Variants in PIEZO2 observed in about 807,000 individuals in gnomAD.
PIEZO2 encodes the protein piezo type mechanosensitive ion channel component 2.
PIEZO2 carries 172 observed loss-of-function variants against 337.3 expected under a neutral mutation model. The ratio of observed to expected loss-of-function variants is 0.51; its 90% confidence interval spans 0.45 to 0.58. The LOEUF (loss-of-function observed/expected upper bound fraction) is 0.58. Ranked by LOEUF, PIEZO2 falls within the 20% of genes least tolerant of loss-of-function variation. The probability of loss-of-function intolerance (pLI) is 0.00; values close to 1 mark genes in which losing one functional copy is unlikely to be tolerated. For missense variants in PIEZO2, 3,028 were observed against 3,391.3 expected, an observed-to-expected ratio of 0.89 and a Z score of 2.66; for synonymous variants, 1,251 against 1,228.5, an observed-to-expected ratio of 1.02 and a Z score of -0.38.
intron 3 of PIEZO2, among the ~76,000 whole-genome samples, chr18:10,921,462 C>G (rs1280703325): frequency 6.6e-6 from 1 of 152,148 alleles, no homozygotes; most frequent in Non-Finnish European, 1.5e-5. Context: ...ATTTCATGGA[C>G]ACTTATCACT....
chr18:11,141,496 C>T (rs527768043), intron 1 of PIEZO2, among the ~76,000 whole-genome samples: 5 of 152,224 alleles, frequency 3.3e-5, no homozygotes, highest in East Asian at 1.9e-4. Context: ...TGCTGCGGGG[C>T]GCACAGAATG....
At position 11,001,905 on chromosome 18, in the gene PIEZO2, AGAAG is replaced by A. The variant is rs56275136; in HGVS notation, c.161-22249_161-22246del. On this transcript the variant is annotated intron_variant, in intron 2 of 55. Transcript: ENST00000674853. The surrounding 1 kb of genome is among the most constrained non-coding windows in gnomAD (Gnocchi z 5.3). ...AAAAGGAGAAAAAGGGAAGGAAGGAAGAAGGAAGGAAGGAAGGAAGGAAGGAAGG... is the reference window on the plus strand; with the variant it reads ...AAAAGGAGAAAAAGGGAAGGAAGGAAGAAGGAAGGAAGGAAGGAAGGAAGG... 0.032 allele frequency among the ~76,000 whole-genome samples: 4,488 copies of A among 139,276 alleles called. 93 individuals are homozygous for A. Among genetic ancestry groups the A allele is most frequent in the African/African-American group, 0.037 (1,339 of 35,984 alleles). The allele number at this position is 139,276 out of a possible 152,430, so 91.4% of individuals were successfully genotyped here.
chr18:10,764,710 G>A (rs1040024493), intron 21 of PIEZO2, among the ~76,000 whole-genome samples: 9 of 152,174 alleles, frequency 5.9e-5, no homozygotes, highest in African/African-American at 2.2e-4. Context: ...ACTGTCCAAT[G>A]CAAGGAAGCT....
At chr18:10,898,211 T>C (rs1007054518) in intron 4 of PIEZO2, among the ~76,000 whole-genome samples, 2 of 152,144 alleles carry the variant, frequency 1.3e-5, no homozygotes, top group African/African-American at 4.8e-5. Context: ...ATATTGTATA[T>C]GAGATCGAGA....
rs540250733 is a variant in PIEZO2 at position 10,903,585 on chromosome 18, G to A, written c.329+7601C>T. 6.6e-5 allele frequency among the ~76,000 whole-genome samples: 10 copies of A among 152,074 alleles called. No homozygotes were observed. The East Asian group carries it at 1.9e-3, about 29-fold the overall frequency. On this transcript the variant is annotated intron_variant, in intron 4 of 55. Coordinates refer to ENST00000674853, the MANE Select transcript of PIEZO2 (RefSeq NM_001378183.1). This position sits in a 1 kb window ranked among gnomAD's most constrained non-coding sequence, Gnocchi z 4.1. ...CTTGGGAGGCTGAGGCAGGAGAATG[G>A]CATGAACCCAGGAGGAGGCAGAGCT...
chr18:10,949,218 C>T (rs567223409), intron 3 of PIEZO2, among the ~76,000 whole-genome samples: 24 of 151,958 alleles, frequency 1.6e-4, no homozygotes, highest in African/African-American at 5.5e-4. Flanking sequence ...TTTCTCATTT[C>T]CTGCCAGTTT....
chr18:10,968,292 C>T (rs899411638), intron 3 of PIEZO2, among the ~76,000 whole-genome samples: 1 of 152,188 alleles, frequency 6.6e-6, no homozygotes, highest in Non-Finnish European at 1.5e-5. Context: ...GTTCTCTAGT[C>T]TATTCCATTA....
Position 11,021,049 on chromosome 18 carries a change from G to C in PIEZO2, c.161-41389C>G, listed in dbSNP as rs1451109416. Among the ~76,000 whole-genome samples the C allele has an allele frequency of 2.0e-5, 3 of 152,234 alleles. No homozygotes were observed. Among genetic ancestry groups the C allele is most frequent in the African/African-American group, 7.2e-5 (3 of 41,458 alleles). ...CAGCAGAAAAGCACTAACCCTCATG[G>C]AGTCACTGTAGGAAGTGACTTGTCT... On this transcript the variant is annotated intron_variant, in intron 2 of 55. Transcript: ENST00000674853. This position sits in a 1 kb window ranked among gnomAD's most constrained non-coding sequence, Gnocchi z 4.7.
At chr18:10,902,338 T>C (rs17569311) in intron 4 of PIEZO2, among the ~76,000 whole-genome samples, 29,623 of 152,196 alleles carry the variant, frequency 0.19, 3,196 homozygotes, top group Non-Finnish European at 0.24. Flanking sequence ...ATTGCCCATC[T>C]GCTTCCAAGG....
intron 18 of PIEZO2, among the ~76,000 whole-genome samples, chr18:10,774,501 T>G (rs2038718994): frequency 6.6e-6 from 1 of 152,140 alleles, no homozygotes. Context: ...CTGCATCATG[T>G]CCCCACCTGA....
intron 1 of PIEZO2, among the ~76,000 whole-genome samples, chr18:11,103,786 CGTGT>C (rs71364107): frequency 5.4e-4 from 80 of 148,362 alleles, no homozygotes; most frequent in East Asian, 9.9e-4. Context: ...AGATGCTGGT[CGTGT>C]GTGTGTGTGT....
chr18:10,936,238 C>A (rs563950107), intron 3 of PIEZO2, among the ~76,000 whole-genome samples: 1 of 152,258 alleles, frequency 6.6e-6, no homozygotes, highest in Non-Finnish European at 1.5e-5. Flanking sequence ...TTCTAGTCAG[C>A]ATAGTTTTAG....
At chr18:10,712,926 A>G (rs2035876232) in intron 39 of PIEZO2, among the ~76,000 whole-genome samples, 1 of 152,230 alleles carries the variant, frequency 6.6e-6, no homozygotes, top group Non-Finnish European at 1.5e-5. Context: ...ATACAATAAT[A>G]GATGAAATAT....
intron 2 of PIEZO2, among the ~76,000 whole-genome samples, chr18:11,065,626 T>G (rs893040533): frequency 5.3e-5 from 8 of 152,190 alleles, no homozygotes; most frequent in African/African-American, 1.9e-4. Context: ...TTCTCTTTCA[T>G]TATGCTATTG....
intron 3 of PIEZO2, among the ~76,000 whole-genome samples, chr18:10,923,318 G>C (rs1818546122): frequency 6.6e-6 from 1 of 152,134 alleles, no homozygotes; most frequent in Non-Finnish European, 1.5e-5. Flanking sequence ...AATGTAATCA[G>C]ATAAAAATCT....
chr18:10,773,887 C>T lies in PIEZO2; in HGVS notation c.2567+119G>A, dbSNP rs770547206. 2 of 644,000 alleles carry T rather than the reference C, an allele frequency of 3.1e-6. No homozygotes were observed. The highest frequency in any genetic ancestry group is 2.8e-6 in the Non-Finnish European group (1 of 360,752). The allele number at this position is 644,000 out of a possible 1,614,324, so 39.9% of individuals were successfully genotyped here. On this transcript the variant is annotated intron_variant, in intron 19 of 55. Coordinates refer to ENST00000674853, the MANE Select transcript of PIEZO2 (RefSeq NM_001378183.1). The surrounding 1 kb of genome is among the most constrained non-coding windows in gnomAD (Gnocchi z 5.3). ...TCTAGTGATTAGTTGGTAATGAGAG[C>T]TATCAACACCTAAACTTGACATTTT... is the stretch of plus-strand genomic sequence containing the variant.
chr18:10,907,584 G>A (rs1345634125), intron 4 of PIEZO2, among the ~76,000 whole-genome samples: 1 of 152,178 alleles, frequency 6.6e-6, no homozygotes, highest in Non-Finnish European at 1.5e-5. Flanking sequence ...TTTTGCAGGA[G>A]TGAGAAAGAA....
intron 3 of PIEZO2, among the ~76,000 whole-genome samples, chr18:10,944,023 C>T (rs543445999): frequency 7.9e-5 from 12 of 152,186 alleles, no homozygotes; most frequent in African/African-American, 2.2e-4. Context: ...CATGTGGAAC[C>T]GTAAATCCAA....
At chr18:10,996,268 AT>A (rs2035315815) in intron 2 of PIEZO2, among the ~76,000 whole-genome samples, 1 of 152,220 alleles carries the variant, frequency 6.6e-6, no homozygotes, top group African/African-American at 2.4e-5. Flanking sequence ...AATAATGTTT[AT>A]GTATGTGCTA....
Sources: gnomAD v4.1 joint callset for allele counts (sites outside exome capture counted in the v4.1 genomes callset) on GRCh38, gnomAD v4.1.1 for gene constraint, Gnocchi (gnomAD v3.1) non-coding constraint, MANE v1.5 for transcripts, NCBI Gene and HGNC (gene_info 2026-07-23, HGNC 2026-07-21) for gene names.